The following TENM2 variants were observed in gnomAD, a reference collection of about 807,000 sequenced individuals.
TENM2 encodes teneurin-2.
In TENM2, 52 loss-of-function variants were observed where a neutral mutation model predicts 245.2. The ratio of observed to expected loss-of-function variants is 0.21; its 90% CI spans 0.17 to 0.27. TENM2 has a LOEUF of 0.27. TENM2 is among the 10% of genes least tolerant of loss of function. TENM2 has a pLI of 1.00. For synonymous variants in TENM2, 1,363 were observed against 1,438.9 expected, an observed-to-expected ratio of 0.95 and a Z score of 1.19; for missense variants, 3,046 against 3,666.8, an observed-to-expected ratio of 0.83 and a Z score of 4.37.
the TENM2 span, among the ~76,000 whole-genome samples, chr5:167,179,182 C>T: frequency 2.6e-5 from 4 of 152,094 alleles, no homozygotes; most frequent in Non-Finnish European, 5.9e-5. Flanking sequence ...TGGCACTGTC[C>T]TCATCCTTCC....
At chr5:167,033,571 A>G in the TENM2 span, among the ~76,000 whole-genome samples, 2 of 152,206 alleles carry the variant, frequency 1.3e-5, no homozygotes, top group African/African-American at 2.4e-5. Flanking sequence ...TTTGTTGAAC[A>G]TGCATTTTAA....
Position 167,801,192 on chromosome 5 carries a change from C to T in TENM2, c.503-74794C>T, listed in dbSNP as rs183404216. Among the ~76,000 whole-genome samples, 35 of 131,614 alleles carry T rather than the reference C, an allele frequency of 2.7e-4. No homozygotes were observed. The South Asian group carries it at 6.1e-3, about 23-fold the overall frequency. 86.3% of individuals were successfully genotyped at this position (131,614 alleles called of 152,430 possible). ...AGGGTCAAAGTGTTCCAATGCTGTGCGAGCTGAGAATATTTTGGCAATTTC... is the reference window on the plus strand; with the variant it reads ...AGGGTCAAAGTGTTCCAATGCTGTGTGAGCTGAGAATATTTTGGCAATTTC... On this transcript the variant is annotated intron_variant, in intron 2 of 28. Transcript: ENST00000518659.
intron 23 of TENM2, 44 bp from the exon 26 acceptor site, chr5:168,226,044 A>C: frequency 6.4e-7 from 1 of 1,565,258 alleles, no homozygotes; most frequent in Non-Finnish European, 8.7e-7. Context: ...AGCCCCAATG[A>C]CTGCTGCTAA....
intron 2 of TENM2, among the ~76,000 whole-genome samples, chr5:167,687,984 AT>A: frequency 1.3e-5 from 2 of 152,324 alleles, no homozygotes; most frequent in Middle Eastern, 6.8e-3. Context: ...TAATAGCGGT[AT>A]TTATTAACAG....
chr5:168,147,020 C>T (rs1469196618), intron 12 of TENM2, among the ~76,000 whole-genome samples: 7 of 152,240 alleles, frequency 4.6e-5, no homozygotes, highest in Admixed American at 4.6e-4. Flanking sequence ...CCAGTGCCCC[C>T]TGGCCAAAGA....
intron 5 of TENM2, among the ~76,000 whole-genome samples, chr5:168,032,247 T>C (rs1301502466): frequency 6.6e-6 from 1 of 152,248 alleles, no homozygotes; most frequent in Non-Finnish European, 1.5e-5. Context: ...TGTCTAAATA[T>C]TTAAAGTGCT....
intron 5 of TENM2, among the ~76,000 whole-genome samples, chr5:168,004,759 C>G (rs1562041274): frequency 6.6e-6 from 1 of 152,204 alleles, no homozygotes; most frequent in East Asian, 1.9e-4. Flanking sequence ...TTCCTCCTCT[C>G]TCCTACCCTA....
chr5:168,118,395 G>C, exon 10 of TENM2: 1 of 1,611,594 alleles, frequency 6.2e-7, no homozygotes. Context: ...CCATGAATCA[G>C]TGCATCGATC....
intron 2 of TENM2, among the ~76,000 whole-genome samples, chr5:167,827,389 C>T (rs185611812): frequency 4.6e-5 from 7 of 152,050 alleles, no homozygotes; most frequent in African/African-American, 1.7e-4. Context: ...AAGGTACTAG[C>T]TACTAGTTAG....
At chr5:167,424,300 T>G (rs1050232129) in intron 2 of TENM2, among the ~76,000 whole-genome samples, 1 of 151,970 alleles carries the variant, frequency 6.6e-6, no homozygotes, top group Non-Finnish European at 1.5e-5. Flanking sequence ...GAGTTAGATA[T>G]ATTCCAGCAC....
At chr5:167,999,283 C>A (rs1166356316) in intron 5 of TENM2, among the ~76,000 whole-genome samples, 2 of 152,352 alleles carry the variant, frequency 1.3e-5, no homozygotes, top group East Asian at 3.9e-4. Flanking sequence ...TTCCACCCAA[C>A]TCCCTGGGCC....
At chr5:167,819,009 A>G (rs1767291537) in intron 2 of TENM2, among the ~76,000 whole-genome samples, 1 of 151,944 alleles carries the variant, frequency 6.6e-6, no homozygotes, top group South Asian at 2.1e-4. Context: ...ACTTTTTGCC[A>G]TTCATCCAGT....
the TENM2 span, among the ~76,000 whole-genome samples, chr5:167,030,158 C>T: frequency 6.6e-6 from 1 of 152,186 alleles, no homozygotes; most frequent in African/African-American, 2.4e-5. Flanking sequence ...TTCTGTATCA[C>T]GTTTTTCTTC....
intron 2 of TENM2, among the ~76,000 whole-genome samples, chr5:167,542,940 A>C (rs772812095): frequency 2.4e-4 from 36 of 152,176 alleles, no homozygotes; most frequent in Admixed American, 6.5e-4. Context: ...GATACGTCAC[A>C]TGACTATATT....
chr5:167,547,039 A>G (rs916608807), intron 2 of TENM2, among the ~76,000 whole-genome samples: 1 of 152,192 alleles, frequency 6.6e-6, no homozygotes, highest in African/African-American at 2.4e-5. Flanking sequence ...TTAAACTTGA[A>G]GTCCACTTTT....
intron 2 of TENM2, among the ~76,000 whole-genome samples, chr5:167,690,101 C>CTTT (rs370994752): frequency 2.5e-5 from 3 of 119,910 alleles, no homozygotes; most frequent in Admixed American, 8.6e-5. Context: ...AAAAAACACA[C>CTTT]TTTTTTTTTT....
chr5:168,136,900 T>C (rs923376079), intron 12 of TENM2, among the ~76,000 whole-genome samples: 1 of 152,228 alleles, frequency 6.6e-6, no homozygotes, highest in South Asian at 2.1e-4. Flanking sequence ...CCAGCTCAAC[T>C]GCAAATGCAA....
intron 1 of TENM2, among the ~76,000 whole-genome samples, chr5:167,371,359 T>C (rs1354309247): frequency 1.7e-4 from 16 of 96,824 alleles, no homozygotes; most frequent in African/African-American, 5.7e-4. Flanking sequence ...CTTTCTTTTC[T>C]TTTTTTTTTT....
At chr5:167,733,247 A>G (rs1439664469) in intron 2 of TENM2, among the ~76,000 whole-genome samples, 1 of 152,136 alleles carries the variant, frequency 6.6e-6, no homozygotes, top group Non-Finnish European at 1.5e-5. Context: ...TTTGACATCA[A>G]GGAACTAAAT....
Sources: allele counts gnomAD v4.1 joint callset (sites outside exome capture counted in the v4.1 genomes callset), GRCh38; gene constraint gnomAD v4.1.1; transcripts MANE v1.5; gene names NCBI Gene and HGNC (gene_info 2026-07-23, HGNC 2026-07-21).